Variants in UBAP2L observed in about 807,000 individuals in gnomAD.
The protein encoded by UBAP2L is ubiquitin-associated protein 2-like.
UBAP2L carries 12 observed loss-of-function variants against 130.6 expected under a neutral mutation model. That is an observed-to-expected ratio of 0.09 (90% CI 0.06 to 0.15). The LOEUF (loss-of-function observed/expected upper bound fraction) is 0.15, where lower values mean the gene tolerates loss of function less well. Among genes scored for constraint, UBAP2L ranks in the 10% least tolerant of loss-of-function variants. UBAP2L has a pLI of 1.00. For missense variants in UBAP2L, 965 were observed against 1,332.5 expected (o/e 0.72, Z 4.29); for synonymous variants, 503 against 524.7 (o/e 0.96, Z 0.57).
Position 154,270,441 on chromosome 1 carries a change from C to T in UBAP2L, c.*146C>T, listed in dbSNP as rs1390964266. The T allele has an allele frequency of 2.7e-6, 4 of 1,468,572 alleles. No homozygotes were observed. Among genetic ancestry groups the T allele is most frequent in the Non-Finnish European group, 3.7e-6 (4 of 1,093,690 alleles). The allele number at this position is 1,468,572 out of a possible 1,614,324, so 91.0% of individuals were successfully genotyped here. On this transcript the variant is annotated 3_prime_UTR_variant, in exon 27 of 27. Coordinates refer to ENST00000428931, the MANE Select transcript of UBAP2L (RefSeq NM_014847.4). ...CCCACCCCATGCCTCAGCTTCATGT[C>T]TGTCCCATTCCTATACCATCCCCAC...
chr1:154,267,010 A>T (rs1418052924), intron 25 of UBAP2L, among the ~76,000 whole-genome samples: 2 of 152,098 alleles, frequency 1.3e-5, no homozygotes, highest in Non-Finnish European at 2.9e-5. Context: ...CAGGTTTGTT[A>T]TGTTGCTTTT....
rs1679991764 is a variant in UBAP2L, at chr1:154,257,349, A to G, written c.2357A>G (p.Lys786Arg). 1 of 1,613,976 alleles carries G rather than the reference A, an allele frequency of 6.2e-7. No individual in the cohort carries two copies. Among genetic ancestry groups the G allele is most frequent in the Non-Finnish European group, 8.5e-7 (1 of 1,180,026 alleles). ...TRSSVATTSG[K>R]APPNLPPGVP... is the part of the protein sequence containing the mutation. ...AAAAATGTAATTTCTCTTTTAGGAA[A>G]AGCTCCTCCCAACCTCCCTCCTGGG... is the stretch of plus-strand genomic sequence containing the variant. Residue 786 changes from lysine (K) to arginine (R), a missense_variant, in exon 20 of 27, where the codon AAA becomes AGA. Transcript: ENST00000428931.
chr1:154,241,426 A>C, intron 8 of UBAP2L, 87 bp from the exon 9 acceptor site: 1 of 1,439,226 alleles, frequency 6.9e-7, no homozygotes, highest in African/African-American at 1.4e-5. Flanking sequence ...TTGGCTGCCA[A>C]AAAAATTAAT....
intron 24 of UBAP2L, among the ~76,000 whole-genome samples, chr1:154,264,663 G>A (rs999243350): frequency 6.6e-6 from 1 of 152,156 alleles, no homozygotes; most frequent in Admixed American, 6.5e-5. Flanking sequence ...CCTACCACTC[G>A]GCTTGAGAAT....
chr1:154,226,373 A>C (rs868827659), intron 2 of UBAP2L, among the ~76,000 whole-genome samples: 3 of 152,214 alleles, frequency 2.0e-5, no homozygotes, highest in Admixed American at 2.0e-4. Context: ...TCTGTTTCTC[A>C]TACCAGGTTG....
intron 8 of UBAP2L, among the ~76,000 whole-genome samples, chr1:154,238,219 A>C (rs946027793): frequency 1.3e-5 from 2 of 152,146 alleles, no homozygotes; most frequent in Non-Finnish European, 2.9e-5. Flanking sequence ...CATTTTTAAC[A>C]CATTTCATGG....
intron 2 of UBAP2L, among the ~76,000 whole-genome samples, chr1:154,226,700 G>C (rs553807451): frequency 6.6e-6 from 1 of 152,202 alleles, no homozygotes; most frequent in Non-Finnish European, 1.5e-5. Flanking sequence ...TGAATTAAGG[G>C]GCAGATGTTT....
chr1:154,255,399 C>T (rs1327596252), intron 17 of UBAP2L, 73 bp downstream of exon 17: 2 of 1,557,026 alleles, frequency 1.3e-6, no homozygotes, highest in Admixed American at 1.8e-5. Flanking sequence ...TTATTACTCC[C>T]TTGACCTGGC....
At chr1:154,240,985 A>C (rs955326878) in intron 8 of UBAP2L, among the ~76,000 whole-genome samples, 1 of 129,632 alleles carries the variant, frequency 7.7e-6, no homozygotes, top group African/African-American at 2.9e-5. Flanking sequence ...GAAAGTAGCT[A>C]TGAAATCATA....
chr1:154,243,601 C>G (rs1000161222), intron 10 of UBAP2L, among the ~76,000 whole-genome samples: 8 of 152,154 alleles, frequency 5.3e-5, no homozygotes, highest in Admixed American at 4.6e-4. Context: ...GCTGGGATTA[C>G]AGGCGTGTGC....
intron 24 of UBAP2L, 107 bp downstream of exon 24, chr1:154,261,804 C>T (rs141849660): frequency 8.6e-4 from 968 of 1,126,402 alleles, no homozygotes; most frequent in African/African-American, 4.7e-3. Flanking sequence ...GAGGGTGTGC[C>T]GCTGCCCCAG....
intron 25 of UBAP2L, among the ~76,000 whole-genome samples, chr1:154,267,809 C>T (rs1257027595): frequency 6.9e-6 from 1 of 145,462 alleles, no homozygotes; most frequent in Non-Finnish European, 1.5e-5. Flanking sequence ...GTTCTAAGTT[C>T]GGATTTCATG....
chr1:154,261,756 A>C, intron 24 of UBAP2L, 59 bp downstream of exon 24: 2 of 1,544,346 alleles, frequency 1.3e-6, no homozygotes, highest in Non-Finnish European at 8.9e-7. Flanking sequence ...GATAAATTTC[A>C]GGGAGGAAGA....
chr1:154,268,973 C>T lies in UBAP2L; in HGVS notation c.3168+19C>T. 2 of 1,612,502 alleles carry T rather than the reference C, an allele frequency of 1.2e-6. No homozygotes were observed. Among genetic ancestry groups the T allele is most frequent in the Non-Finnish European group, 1.7e-6 (2 of 1,179,170 alleles). On this transcript the variant is annotated intron_variant, in intron 26 of 26. Transcript: ENST00000428931. ...TGGCCAGGTAATAGCCCTTCCCCTT[C>T]TCTCCTTTCCCTTCCTCTTCCTTCC...
chr1:154,255,616 T>C, intron 17 of UBAP2L, 67 bp from the exon 18 acceptor site: 1 of 1,543,054 alleles, frequency 6.5e-7, no homozygotes, highest in South Asian at 1.1e-5. Context: ...TGTTATGTTC[T>C]TGACTGAAGC....
rs72696240 is a variant in UBAP2L at position 154,231,420 on chromosome 1, C to T, written c.279+2695C>T. On this transcript the variant is annotated intron_variant, in intron 4 of 26. Transcript: ENST00000428931. ...GGCTCAAGCGTTTTTCCCACCTCAGCCTCCCAAGCAGCTAGGGCCACAGGT... is the reference window on the plus strand; with the variant it reads ...GGCTCAAGCGTTTTTCCCACCTCAGTCTCCCAAGCAGCTAGGGCCACAGGT... Among the ~76,000 whole-genome samples, 1,224 of 151,998 alleles carry T rather than the reference C, an allele frequency of 8.1e-3. 7 individuals carry two copies. Among genetic ancestry groups the T allele is most frequent in the Non-Finnish European group, 0.013 (891 of 67,986 alleles).
chr1:154,228,594 T>C (rs867170854), intron 3 of UBAP2L, 21 bp from the exon 4 acceptor site: 5 of 1,578,124 alleles, frequency 3.2e-6, no homozygotes, highest in Admixed American at 3.3e-5. Context: ...TTCATGATGG[T>C]TGCTGTTTTT....
chr1:154,259,895 T>C lies in UBAP2L; in HGVS notation c.2497-53T>C, dbSNP rs1680979097. 5.2e-6 allele frequency: 8 copies of C among 1,546,902 alleles called. No homozygotes were observed. The Admixed American group carries it at 1.2e-4, about 23-fold the overall frequency. ...TTTTCCTCCGTGGAAATAGTACTCA[T>C]GCTGGGGAATGAGTGACATTGAATC... On this transcript the variant is annotated intron_variant, in intron 21 of 26. Transcript: ENST00000428931.
At chr1:154,249,503 G>T (rs1346430272) in intron 12 of UBAP2L, 66 bp downstream of exon 12, 14 of 1,596,432 alleles carry the variant, frequency 8.8e-6, no homozygotes, top group Middle Eastern at 2.1e-4. Flanking sequence ...AGGCTAGCAG[G>T]GGGAGGGGGT....
Sources: allele counts gnomAD v4.1 joint callset (sites outside exome capture counted in the v4.1 genomes callset), GRCh38; gene constraint gnomAD v4.1.1; transcripts MANE v1.5; gene names NCBI Gene and HGNC (gene_info 2026-07-23, HGNC 2026-07-21).